SDK1: variants seen among roughly 807,000 people sequenced by gnomAD.
SDK1 encodes protein sidekick-1.
SDK1 carries 157 observed loss-of-function variants against 245.5 expected under a neutral mutation model. The observed-to-expected ratio is 0.64, with a 90% CI of 0.56 to 0.73. The LOEUF (loss-of-function observed/expected upper bound fraction) is 0.73. Among genes scored for constraint, SDK1 ranks in the 30% least tolerant of loss-of-function variants. SDK1 has a pLI of 0.00. For missense variants in SDK1, 3,583 were observed against 3,002.3 expected, an observed-to-expected ratio of 1.19 and a Z score of -4.52; for synonymous variants, 1,647 against 1,278.5, an observed-to-expected ratio of 1.29 and a Z score of -6.15.
At chr7:3,885,100 C>G (rs932988942) in intron 5 of SDK1, among the ~76,000 whole-genome samples, 2 of 152,104 alleles carry the variant, frequency 1.3e-5, no homozygotes, top group Non-Finnish European at 2.9e-5. Flanking sequence ...GCACCTGAGC[C>G]TAAACCTGCC....
chr7:4,198,733 A>AGG (rs1248771289), intron 35 of SDK1, among the ~76,000 whole-genome samples: 1 of 152,016 alleles, frequency 6.6e-6, no homozygotes, highest in Non-Finnish European at 1.5e-5. Context: ...GGCAGATCCA[A>AGG]GTTCATATCG....
At chr7:3,845,540 A>G (rs1780256333) in intron 5 of SDK1, among the ~76,000 whole-genome samples, 2 of 145,026 alleles carry the variant, frequency 1.4e-5, no homozygotes, top group South Asian at 4.6e-4. Flanking sequence ...CAAGATGTGG[A>G]GTGGCCAGGC....
chr7:3,341,576 A>G (rs1780349693), intron 1 of SDK1, among the ~76,000 whole-genome samples: 1 of 152,216 alleles, frequency 6.6e-6, no homozygotes, highest in Non-Finnish European at 1.5e-5. Context: ...TCTAGAAAAA[A>G]AACTTCTTGA....
intron 1 of SDK1, among the ~76,000 whole-genome samples, chr7:3,310,909 G>T (rs1298882610): frequency 6.6e-6 from 1 of 152,176 alleles, no homozygotes; most frequent in African/African-American, 2.4e-5. Context: ...CCTGCTTCCT[G>T]TAGTTGTTGT....
intron 38 of SDK1, among the ~76,000 whole-genome samples, chr7:4,214,442 T>A (rs1055549777): frequency 6.6e-6 from 1 of 152,232 alleles, no homozygotes; most frequent in South Asian, 2.1e-4. Flanking sequence ...CTCTTTTGTC[T>A]GTTGCGAAGG....
intron 5 of SDK1, among the ~76,000 whole-genome samples, chr7:3,834,929 C>T (rs545279057): frequency 6.6e-6 from 1 of 152,216 alleles, no homozygotes; most frequent in Admixed American, 6.5e-5. Flanking sequence ...CCTGTAGCTC[C>T]TTTTCTTTTG....
chr7:3,488,497 A>G (rs765175857), intron 1 of SDK1, among the ~76,000 whole-genome samples: 1 of 152,018 alleles, frequency 6.6e-6, no homozygotes, highest in African/African-American at 2.4e-5. Flanking sequence ...AGAGGCTGTG[A>G]TCCTTATAAT....
chr7:3,558,090 G>C lies in SDK1; in HGVS notation c.299-60990G>C, dbSNP rs536689654. On this transcript the variant is annotated intron_variant, in intron 1 of 44. Transcript: ENST00000404826. ...CCCCAAAGACTTTAGATGCCACGTG[G>C]CATGCGTAAAGCCAGCATATTCTAT... 1.2e-4 allele frequency among the ~76,000 whole-genome samples: 18 copies of C among 151,592 alleles called. No homozygotes were observed. In the East Asian group the frequency reaches 3.5e-3, roughly 30 times the overall value.
intron 1 of SDK1, among the ~76,000 whole-genome samples, chr7:3,497,749 G>T (rs189996902): frequency 6.6e-6 from 1 of 152,258 alleles, no homozygotes. Context: ...TTAGGCCATG[G>T]AGAGCTTTTG....
chr7:3,496,615 C>G (rs1782034058), intron 1 of SDK1, among the ~76,000 whole-genome samples: 1 of 152,116 alleles, frequency 6.6e-6, no homozygotes, highest in Non-Finnish European at 1.5e-5. Context: ...AAACAGGATT[C>G]AGGTCAAGTA....
At chr7:3,930,511 T>C (rs1017222827) in intron 5 of SDK1, among the ~76,000 whole-genome samples, 1 of 152,196 alleles carries the variant, frequency 6.6e-6, no homozygotes, top group Non-Finnish European at 1.5e-5. Context: ...TAATGAAAGA[T>C]ACAGGTCTCA....
chr7:3,690,501 C>T (rs1583311066), intron 4 of SDK1, among the ~76,000 whole-genome samples: 1 of 151,434 alleles, frequency 6.6e-6, no homozygotes, highest in East Asian at 1.9e-4. Flanking sequence ...AAAAATAAAC[C>T]CACTGGATAG....
intron 1 of SDK1, among the ~76,000 whole-genome samples, chr7:3,480,708 G>C (rs1179154180): frequency 1.3e-5 from 2 of 152,194 alleles, no homozygotes; most frequent in Non-Finnish European, 2.9e-5. Context: ...TGCTATTCCT[G>C]AATAAACTGT....
At chr7:4,004,785 T>G (rs1785333541) in intron 14 of SDK1, among the ~76,000 whole-genome samples, 1 of 152,196 alleles carries the variant, frequency 6.6e-6, no homozygotes, top group African/African-American at 2.4e-5. Flanking sequence ...GTCATTAATA[T>G]CACCTGCTAT....
intron 4 of SDK1, among the ~76,000 whole-genome samples, chr7:3,711,842 T>G (rs995689038): frequency 1.3e-5 from 2 of 152,154 alleles, no homozygotes; most frequent in African/African-American, 4.8e-5. Context: ...ATCTTTTGAT[T>G]TGACTCCTGG....
At chr7:3,912,333 G>C (rs1346479793) in intron 5 of SDK1, among the ~76,000 whole-genome samples, 1 of 152,192 alleles carries the variant, frequency 6.6e-6, no homozygotes, top group Non-Finnish European at 1.5e-5. Context: ...AGAAGAGAGA[G>C]TTCCAAAATG....
intron 1 of SDK1, among the ~76,000 whole-genome samples, chr7:3,491,375 A>G (rs1292898971): frequency 6.6e-6 from 1 of 152,248 alleles, no homozygotes. Flanking sequence ...AGTATTTTGC[A>G]AAGTTCCCAA....
At chr7:4,163,897 A>T (rs913209126) in intron 32 of SDK1, among the ~76,000 whole-genome samples, 2 of 152,208 alleles carry the variant, frequency 1.3e-5, no homozygotes, top group Non-Finnish European at 2.9e-5. Context: ...ATTCAACCTG[A>T]TATCACTTGC....
chr7:4,076,084 G>A (rs1287937716), intron 20 of SDK1, among the ~76,000 whole-genome samples: 1 of 152,164 alleles, frequency 6.6e-6, no homozygotes, highest in Non-Finnish European at 1.5e-5. Flanking sequence ...TATGAAAAGG[G>A]GAGAGAGAGC....
Sources: allele counts gnomAD v4.1 joint callset (sites outside exome capture counted in the v4.1 genomes callset), GRCh38; gene constraint gnomAD v4.1.1; transcripts MANE v1.5; gene names NCBI Gene and HGNC (gene_info 2026-07-23, HGNC 2026-07-21).